MAP2K6: variants seen among roughly 807,000 people sequenced by gnomAD.
MAP2K6 encodes mitogen-activated protein kinase kinase 6.
MAP2K6 carries 16 observed loss-of-function variants against 53.7 expected under a neutral mutation model. That is an observed-to-expected ratio of 0.30 (90% CI 0.20 to 0.45). The LOEUF (loss-of-function observed/expected upper bound fraction) is 0.45, where lower values mean the gene tolerates loss of function less well. Among genes scored for constraint, MAP2K6 ranks in the 20% least tolerant of loss-of-function variants. The probability of loss-of-function intolerance (pLI) is 1.00; values close to 1 mark genes in which losing one functional copy is unlikely to be tolerated. For missense variants in MAP2K6, 204 were observed against 411.9 expected (o/e 0.50, Z 4.37); for synonymous variants, 132 against 143.1 (o/e 0.92, Z 0.55).
intron 11 of MAP2K6, among the ~76,000 whole-genome samples, chr17:69,538,599 G>A (rs1175417998): frequency 6.6e-6 from 1 of 152,180 alleles, no homozygotes; most frequent in Non-Finnish European, 1.5e-5. Flanking sequence ...TGGTGAGGAA[G>A]TATGAAGGAA....
intron 1 of MAP2K6, among the ~76,000 whole-genome samples, chr17:69,505,254 C>T (rs1909403263): frequency 2.0e-5 from 3 of 151,766 alleles, no homozygotes; most frequent in South Asian, 4.2e-4. Flanking sequence ...CCAGCCTGGC[C>T]AACAGGGAGA....
At chr17:69,433,863 T>C (rs890906159) in intron 1 of MAP2K6, 2 of 151,926 alleles carry the variant, frequency 1.3e-5, no homozygotes, top group African/African-American at 4.8e-5. Context: ...GATGTAGGGG[T>C]CACCTAGCAG....
At chr17:69,472,374 C>A (rs1026292902) in intron 1 of MAP2K6, among the ~76,000 whole-genome samples, 7 of 152,132 alleles carry the variant, frequency 4.6e-5, no homozygotes, top group Non-Finnish European at 1.0e-4. Context: ...CCATTTCATT[C>A]AACATTGTTT....
chr17:69,502,271 TCTC>T, intron 1 of MAP2K6: 1 of 985,412 alleles, frequency 1.0e-6, no homozygotes, highest in Non-Finnish European at 1.2e-6. Context: ...CAGTTCTGTT[TCTC>T]CTTGCCGAAG....
At position 69,520,809 on chromosome 17, in the gene MAP2K6, G is replaced by A. The variant is rs1910426904; in HGVS notation, c.484-240G>A. On this transcript the variant is annotated intron_variant, in intron 6 of 11. Transcript: ENST00000590474. ...TCAGGAGGGTGGAGAGAAAAAGAAG[G>A]AGGACAAATGAACAAGACAGATGAG... The A allele has an allele frequency of 9.3e-6, 4 of 429,924 alleles. No individual in the cohort carries two copies. The Admixed American group carries it at 1.6e-4, about 18-fold the overall frequency. 26.6% of individuals were successfully genotyped at this position (429,924 alleles called of 1,614,324 possible).
At chr17:69,488,468 C>A (rs1908628304) in intron 1 of MAP2K6, among the ~76,000 whole-genome samples, 1 of 152,156 alleles carries the variant, frequency 6.6e-6, no homozygotes, top group African/African-American at 2.4e-5. Flanking sequence ...GACACATGCC[C>A]ACATATGTTC....
chr17:69,470,221 G>T (rs1368059253), intron 1 of MAP2K6, among the ~76,000 whole-genome samples: 3 of 152,142 alleles, frequency 2.0e-5, no homozygotes, highest in Admixed American at 6.5e-5. Flanking sequence ...AAACCATAAA[G>T]TAGAAACAAT....
chr17:69,515,386 A>C (rs139015582), intron 2 of MAP2K6, among the ~76,000 whole-genome samples: 1,572 of 151,946 alleles, frequency 0.01, 29 homozygotes, highest in African/African-American at 0.036. Context: ...CGAACTCCTG[A>C]CCTCAGGTGA....
chr17:69,457,957 G>T (rs1448959286), intron 1 of MAP2K6, among the ~76,000 whole-genome samples: 2 of 152,252 alleles, frequency 1.3e-5, no homozygotes, highest in East Asian at 3.9e-4. Context: ...TCAAATTATG[G>T]CCCATTACTA....
At chr17:69,500,075 T>C (rs374230315) in intron 1 of MAP2K6, among the ~76,000 whole-genome samples, 6 of 152,170 alleles carry the variant, frequency 3.9e-5, no homozygotes, top group African/African-American at 1.4e-4. Context: ...AGGAACAGTA[T>C]GAGCAAAGGT....
At chr17:69,432,566 C>T (rs1276056699) in intron 1 of MAP2K6, among the ~76,000 whole-genome samples, 4 of 151,860 alleles carry the variant, frequency 2.6e-5, no homozygotes, top group African/African-American at 9.7e-5. Context: ...GAAAACCAAA[C>T]ACCACATGTT....
At chr17:69,448,858 C>T (rs962136827) in intron 1 of MAP2K6, among the ~76,000 whole-genome samples, 1 of 152,194 alleles carries the variant, frequency 6.6e-6, no homozygotes, top group Non-Finnish European at 1.5e-5. Context: ...CATGGCATTT[C>T]CACACACTGA....
At position 69,524,983 on chromosome 17, in the gene MAP2K6, T is replaced by C. The variant is rs747386687; in HGVS notation, c.741+5T>C. 23 of 1,607,286 alleles carry C rather than the reference T, an allele frequency of 1.4e-5. No individual in the cohort carries two copies. The highest frequency in any genetic ancestry group is 2.0e-5 in the Non-Finnish European group (23 of 1,174,058). Reference sequence around the variant, plus strand: ...TGGAGTCTGGGCATCACGATGGTAGTGTATGCCAATCATCATGAACTATGA... The same window carrying C: ...TGGAGTCTGGGCATCACGATGGTAGCGTATGCCAATCATCATGAACTATGA... On this transcript the variant is annotated splice_donor_5th_base_variant and intron_variant, in intron 9 of 11. Coordinates refer to ENST00000590474, the MANE Select transcript of MAP2K6 (RefSeq NM_002758.4).
Position 69,546,352 on chromosome 17 carries a change from T to C in MAP2K6, c.*4599T>C, listed in dbSNP as rs989681. The C allele has an allele frequency of 0.57, 85,889 of 151,966 alleles. 24,959 individuals carry two copies. Among genetic ancestry groups the C allele is most frequent in the East Asian group, 0.89 (4,576 of 5,162 alleles). The allele number at this position is 151,966 out of a possible 1,614,324, so 9.4% of individuals were successfully genotyped here. A position where few individuals can be genotyped will look rare whatever the true frequency, so the allele number is the denominator to read the frequency against. On this transcript the variant is annotated 3_prime_UTR_variant, in exon 12 of 12. Transcript: ENST00000590474. ...ATGCAATACTCAAAAGCCCCAGCAT[T>C]GGAGGAGGCTGGTGCTAAGATGGAC...
intron 10 of MAP2K6, among the ~76,000 whole-genome samples, chr17:69,528,563 A>G (rs1266410324): frequency 6.6e-6 from 1 of 152,054 alleles, no homozygotes; most frequent in Admixed American, 6.6e-5. Flanking sequence ...GTCACATCAA[A>G]AAAAGGGATG....
chr17:69,459,951 T>A (rs1907560749), intron 1 of MAP2K6, among the ~76,000 whole-genome samples: 1 of 151,160 alleles, frequency 6.6e-6, no homozygotes, highest in Admixed American at 6.6e-5. Flanking sequence ...TCTTCCTTCC[T>A]TCCTTTCCTT....
chr17:69,425,442 A>T (rs1225317594), intron 1 of MAP2K6, among the ~76,000 whole-genome samples: 3 of 151,678 alleles, frequency 2.0e-5, no homozygotes, highest in African/African-American at 7.3e-5. Flanking sequence ...CCTCCCAAGT[A>T]GCTGGGATTA....
At chr17:69,480,198 A>G (rs945761242) in intron 1 of MAP2K6, among the ~76,000 whole-genome samples, 3 of 152,116 alleles carry the variant, frequency 2.0e-5, no homozygotes, top group African/African-American at 4.8e-5. Context: ...CATTTCCTAG[A>G]ATTTTGCATC....
At chr17:69,482,091 T>A (rs969873954) in intron 1 of MAP2K6, among the ~76,000 whole-genome samples, 22 of 152,150 alleles carry the variant, frequency 1.4e-4, no homozygotes, top group African/African-American at 4.8e-4. Context: ...ACTATTCTGA[T>A]CCCTGGATTT....
Sources: allele counts gnomAD v4.1 joint callset (sites outside exome capture counted in the v4.1 genomes callset), GRCh38; gene constraint gnomAD v4.1.1; transcripts MANE v1.5; gene names NCBI Gene and HGNC (gene_info 2026-07-23, HGNC 2026-07-21).